DNAH14: variants seen among roughly 807,000 people sequenced by gnomAD.
The protein encoded by DNAH14 is dynein axonemal heavy chain 14.
Under a neutral mutation model 520.9 loss-of-function variants are expected in DNAH14, and 478 were observed. The observed-to-expected ratio is 0.92, with a 90% confidence interval of 0.85 to 0.99. The LOEUF (loss-of-function observed/expected upper bound fraction) is 0.99. DNAH14 is among the 50% of genes least tolerant of loss of function. The probability of loss-of-function intolerance (pLI) is 0.00; values close to 1 mark genes in which losing one functional copy is unlikely to be tolerated. For missense variants in DNAH14, 4,831 were observed against 5,234.5 expected, an observed-to-expected ratio of 0.92 and a Z score of 2.38; for synonymous variants, 1,581 against 1,757.2, an observed-to-expected ratio of 0.90 and a Z score of 2.51.
At chr1:224,956,499 T>C (rs2060521017) in intron 3 of DNAH14, among the ~76,000 whole-genome samples, 1 of 152,056 alleles carries the variant, frequency 6.6e-6, no homozygotes, top group Non-Finnish European at 1.5e-5. Context: ...AGCCTCGGAG[T>C]AATAGTCTAT....
chr1:225,151,835 C>T (rs1032148325), intron 31 of DNAH14, 170 bp from the exon 32 acceptor site: 2 of 713,048 alleles, frequency 2.8e-6, no homozygotes, highest in Non-Finnish European at 5.1e-6. Flanking sequence ...TTTGGCTCAG[C>T]ATGAGCCTCC....
intron 54 of DNAH14, among the ~76,000 whole-genome samples, chr1:225,286,477 A>G (rs1007349311): frequency 2.6e-5 from 4 of 152,248 alleles, no homozygotes; most frequent in Admixed American, 2.6e-4. Flanking sequence ...ACAAAAGCAT[A>G]TGAAAAGGTG....
chr1:225,228,921 G>A (rs1203368476), intron 41 of DNAH14, among the ~76,000 whole-genome samples: 1 of 152,144 alleles, frequency 6.6e-6, no homozygotes, highest in Non-Finnish European at 1.5e-5. Context: ...TTACCCAGGG[G>A]CAAAGGGCGT....
intron 60 of DNAH14, among the ~76,000 whole-genome samples, chr1:225,312,846 C>T (rs2094395654): frequency 6.6e-6 from 1 of 152,116 alleles, no homozygotes; most frequent in Non-Finnish European, 1.5e-5. Flanking sequence ...TTTGGTTTGC[C>T]AGTATTTTTT....
chr1:225,041,341 T>C (rs569239103), intron 12 of DNAH14, among the ~76,000 whole-genome samples: 4 of 152,328 alleles, frequency 2.6e-5, no homozygotes, highest in African/African-American at 7.2e-5. Flanking sequence ...CTAATCCCCA[T>C]TGTAATCTGT....
At chr1:225,109,936 A>G (rs1466639118) in intron 23 of DNAH14, among the ~76,000 whole-genome samples, 3 of 152,162 alleles carry the variant, frequency 2.0e-5, no homozygotes, top group African/African-American at 7.2e-5. Flanking sequence ...ATCAATTGAA[A>G]TGATCATATG....
chr1:225,036,163 T>A (rs1352106421), intron 11 of DNAH14, among the ~76,000 whole-genome samples: 2 of 151,664 alleles, frequency 1.3e-5, no homozygotes, highest in African/African-American at 4.9e-5. Flanking sequence ...TGAGATAGAG[T>A]CCCACACTCT....
intron 11 of DNAH14, among the ~76,000 whole-genome samples, chr1:225,025,600 A>G (rs1299980097): frequency 6.6e-6 from 1 of 151,748 alleles, no homozygotes; most frequent in African/African-American, 2.4e-5. Flanking sequence ...ATCAAAACTA[A>G]GAAAACTAGC....
intron 8 of DNAH14, among the ~76,000 whole-genome samples, chr1:224,984,039 C>T (rs1381149464): frequency 2.0e-5 from 3 of 152,096 alleles, no homozygotes; most frequent in African/African-American, 4.8e-5. Context: ...TTAGGAAAAA[C>T]AATTCTAAAA....
intron 41 of DNAH14, among the ~76,000 whole-genome samples, chr1:225,224,713 A>G (rs1018733390): frequency 5.3e-5 from 8 of 152,218 alleles, no homozygotes; most frequent in Non-Finnish European, 1.2e-4. Context: ...TCTGGTAAAA[A>G]TAGAAAAGCA....
rs1397588705 is a variant in DNAH14 at position 225,159,434 on chromosome 1, A to G, written c.5394A>G (p.Gly1798=). ...EDVPLFENII[G]DIFPEVTVLK... ...TCCCACTTTTTGAAAATATTATAGG[A>G]GATATTTTTCCAGAAGTGACAGTTT... is the stretch of plus-strand genomic sequence containing the variant. Residue 1798 remains glycine, a synonymous_variant, in exon 35 of 86, where the codon GGA becomes GGG. Transcript: ENST00000682510. 6.5e-7 allele frequency: 1 copy of G among 1,543,756 alleles called. No individual in the cohort carries two copies. The highest frequency in any genetic ancestry group is 2.0e-5 in the Admixed American group (1 of 49,522).
intron 9 of DNAH14, 116 bp downstream of exon 9, chr1:225,003,043 G>A (rs542948107): frequency 2.5e-5 from 23 of 905,998 alleles, no homozygotes; most frequent in African/African-American, 8.6e-5. Flanking sequence ...CATCTCTTTC[G>A]ATTACTACCG....
intron 17 of DNAH14, among the ~76,000 whole-genome samples, chr1:225,055,186 A>G (rs1403767473): frequency 1.3e-5 from 2 of 152,156 alleles, no homozygotes; most frequent in African/African-American, 4.8e-5. Flanking sequence ...ATCCTCTAAG[A>G]TGCCGTATTT....
At chr1:224,987,737 C>G (rs2062741472) in intron 8 of DNAH14, among the ~76,000 whole-genome samples, 1 of 152,158 alleles carries the variant, frequency 6.6e-6, no homozygotes, top group Non-Finnish European at 1.5e-5. Flanking sequence ...AGTGATTCCC[C>G]TGCCTCAGCT....
At chr1:225,363,238 T>C (rs1331306954) in intron 75 of DNAH14, among the ~76,000 whole-genome samples, 1 of 152,216 alleles carries the variant, frequency 6.6e-6, no homozygotes, top group Admixed American at 6.5e-5. Flanking sequence ...CCCTAAATAG[T>C]TCAGTGTTCA....
intron 40 of DNAH14, 142 bp downstream of exon 40, chr1:225,206,321 GTCTCCCAA>G: frequency 1.4e-6 from 1 of 726,218 alleles, no homozygotes; most frequent in Non-Finnish European, 2.2e-6. Flanking sequence ...AAATCTTTGT[GTCTCCCAA>G]AGCCTCATAA....
At chr1:225,179,400 C>T (rs1480715017) in intron 36 of DNAH14, among the ~76,000 whole-genome samples, 1 of 151,908 alleles carries the variant, frequency 6.6e-6, no homozygotes, top group African/African-American at 2.4e-5. Flanking sequence ...TAGGTTTTTG[C>T]TTTGTGGTTC....
chr1:224,934,794 C>T (rs750039722), intron 1 of DNAH14, among the ~76,000 whole-genome samples: 1 of 151,724 alleles, frequency 6.6e-6, no homozygotes, highest in Non-Finnish European at 1.5e-5. Flanking sequence ...ATCCTTGTCA[C>T]CTATAAAGGA....
intron 15 of DNAH14, among the ~76,000 whole-genome samples, chr1:225,046,082 C>T (rs1366631716): frequency 6.6e-6 from 1 of 151,124 alleles, no homozygotes; most frequent in Non-Finnish European, 1.5e-5. Flanking sequence ...AATATGGATT[C>T]ACTAATATTT....
Sources: allele counts gnomAD v4.1 joint callset (sites outside exome capture counted in the v4.1 genomes callset), GRCh38; gene constraint gnomAD v4.1.1; transcripts MANE v1.5; gene names NCBI Gene and HGNC (gene_info 2026-07-23, HGNC 2026-07-21).